Variants in TMSB15B observed in about 807,000 individuals in gnomAD.
TMSB15B encodes thymosin beta-15B.
At chrX:103,945,770 T>TCA (rs2075024025) in intron 1 of TMSB15B, among the ~76,000 whole-genome samples, 1 of 112,355 alleles carries the variant, frequency 8.9e-6, no homozygotes, top group South Asian at 3.7e-4. Context: ...AAACAGTACA[T>TCA]TATTCCATAT....
intron 1 of TMSB15B, among the ~76,000 whole-genome samples, chrX:103,929,353 A>C (rs1164728575): frequency 1.8e-5 from 2 of 111,967 alleles, no homozygotes; most frequent in Non-Finnish European, 3.8e-5. Context: ...AACCTTACTT[A>C]GGCACTCTGA....
chrX:103,939,582 C>G (rs1556323321), intron 1 of TMSB15B, among the ~76,000 whole-genome samples: 1 of 110,900 alleles, frequency 9.0e-6, no homozygotes, highest in Non-Finnish European at 1.9e-5. Flanking sequence ...TTCTTAGCTT[C>G]CTTGGATTGG....
intron 1 of TMSB15B, among the ~76,000 whole-genome samples, chrX:103,941,477 G>A (rs1299943610): frequency 8.9e-6 from 1 of 111,785 alleles, no homozygotes; most frequent in Admixed American, 9.4e-5. Flanking sequence ...CACTAACAGT[G>A]TATGAGTGTT....
At chrX:103,930,725 G>GATGATAATAATAATA (rs141575289) in intron 1 of TMSB15B, among the ~76,000 whole-genome samples, 6 of 93,060 alleles carry the variant, frequency 6.4e-5, no homozygotes, top group East Asian at 3.3e-4. Flanking sequence ...TGATGCTGTT[G>GATGATAATAATAATA]ATAATAATAA....
intron 1 of TMSB15B, among the ~76,000 whole-genome samples, chrX:103,955,027 G>A (rs782522139): frequency 6.3e-5 from 7 of 111,530 alleles, no homozygotes; most frequent in African/African-American, 2.3e-4. Flanking sequence ...CAGTCCAGGG[G>A]TTGGGAGCTG....
chrX:103,951,290 A>G (rs2075038608), intron 1 of TMSB15B, among the ~76,000 whole-genome samples: 1 of 111,920 alleles, frequency 8.9e-6, no homozygotes, highest in Non-Finnish European at 1.9e-5. Context: ...TATGATATCA[A>G]CAGGAAGACC....
chrX:103,940,210 A>C (rs1556323796), intron 1 of TMSB15B, among the ~76,000 whole-genome samples: 1 of 112,460 alleles, frequency 8.9e-6, no homozygotes, highest in African/African-American at 3.2e-5. Context: ...TGCTCTCTTC[A>C]GATCCAGCAG....
chrX:103,923,119 G>A lies in TMSB15B; in HGVS notation c.-721+3827G>A, dbSNP rs1291372679. 8.9e-5 allele frequency among the ~76,000 whole-genome samples: 10 copies of A among 111,825 alleles called. No individual in the cohort carries two copies. The East Asian group carries it at 2.8e-3, about 31-fold the overall frequency. On this transcript the variant is annotated intron_variant, in intron 1 of 3. Transcript: ENST00000419165. ...TGGATATTAGCCCTTTGTCAGATGG[G>A]TAGATTGCAAAAATTTTCTCCCATT...
At chrX:103,951,311 A>G (rs2075038731) in intron 1 of TMSB15B, among the ~76,000 whole-genome samples, 2 of 111,997 alleles carry the variant, frequency 1.8e-5, no homozygotes, top group Non-Finnish European at 3.8e-5. Flanking sequence ...ATGTGTATGG[A>G]TGCGGGTGCA....
intron 1 of TMSB15B, among the ~76,000 whole-genome samples, chrX:103,944,779 CATA>C (rs1178539472): frequency 8.9e-6 from 1 of 111,945 alleles, no homozygotes; most frequent in African/African-American, 3.2e-5. Flanking sequence ...TGTTATAATA[CATA>C]ATATTACTTT....
intron 1 of TMSB15B, among the ~76,000 whole-genome samples, chrX:103,938,310 AG>A (rs1432845527): frequency 5.4e-5 from 6 of 111,835 alleles, no homozygotes; most frequent in Admixed American, 9.5e-5. Flanking sequence ...GTGTCTTTGT[AG>A]GTCTCTAAGA....
Position 103,948,699 on chromosome X carries a change from G to C in TMSB15B, c.-720-13322G>C, listed in dbSNP as rs782463817. On this transcript the variant is annotated intron_variant, in intron 1 of 3. Transcript: ENST00000419165. ...ATGTTGTGTAAAAGAAGAAGTTGTA[G>C]AAGATTACACACAGATGTGATCTAA... 9.8e-5 allele frequency among the ~76,000 whole-genome samples: 11 copies of C among 112,404 alleles called. No individual in the cohort carries two copies. In the South Asian group the frequency reaches 4.1e-3, roughly 41 times the overall value.
intron 1 of TMSB15B, among the ~76,000 whole-genome samples, chrX:103,938,047 C>G (rs1404727852): frequency 1.8e-5 from 2 of 111,634 alleles, no homozygotes; most frequent in Non-Finnish European, 3.8e-5. Context: ...TTTATGATTT[C>G]TGTTCTTTTG....
Position 103,928,249 on chromosome X carries a change from T to G in TMSB15B, c.-721+8957T>G, listed in dbSNP as rs17342663. ...TTCTGACCTTTCCTATCTATAAGGT[T>G]GTGTTTCGGCAACAGATCCATGCCA... On this transcript the variant is annotated intron_variant, in intron 1 of 3. Coordinates refer to the TMSB15B transcript ENST00000419165. The G allele has an allele frequency of 0.013, 15,252 of 1,204,703 alleles. 453 individuals carry two copies. The East Asian group carries it at 0.18, about 14-fold the overall frequency.
intron 1 of TMSB15B, among the ~76,000 whole-genome samples, chrX:103,921,766 A>T (rs1556317855): frequency 8.9e-6 from 1 of 112,429 alleles, no homozygotes; most frequent in African/African-American, 3.2e-5. Flanking sequence ...TGTACCAGGA[A>T]CTTTCTATCT....
chrX:103,950,144 A>G (rs782224196), intron 1 of TMSB15B, among the ~76,000 whole-genome samples: 1 of 111,711 alleles, frequency 9.0e-6, no homozygotes, highest in East Asian at 2.8e-4. Flanking sequence ...CCCACAAATC[A>G]GGTGGACCCT....
At chrX:103,923,795 G>A (rs1416618691) in intron 1 of TMSB15B, among the ~76,000 whole-genome samples, 7 of 111,433 alleles carry the variant, frequency 6.3e-5, no homozygotes, top group Admixed American at 1.9e-4. Context: ...ACCTTGGGCA[G>A]TATGGCCATT....
intron 1 of TMSB15B, among the ~76,000 whole-genome samples, chrX:103,938,639 A>AT (rs1418079747): frequency 1.8e-5 from 2 of 112,068 alleles, no homozygotes; most frequent in African/African-American, 3.2e-5. Flanking sequence ...TAATTGGGGC[A>AT]TTTAGCCCAT....
intron 1 of TMSB15B, among the ~76,000 whole-genome samples, chrX:103,946,843 A>G (rs2075026942): frequency 8.9e-6 from 1 of 112,069 alleles, no homozygotes; most frequent in African/African-American, 3.2e-5. Flanking sequence ...AACAAAATCC[A>G]AAAACACAAG....
Sources: gnomAD v4.1 joint callset for allele counts (sites outside exome capture counted in the v4.1 genomes callset) on GRCh38, gnomAD v4.1.1 for gene constraint, MANE v1.5 for transcripts, NCBI Gene and HGNC (gene_info 2026-07-23, HGNC 2026-07-21) for gene names.